Variants in KIAA0930 observed in about 807,000 individuals in gnomAD.
KIAA0930 encodes the protein KIAA0930.
In KIAA0930, 24 loss-of-function variants were observed where a neutral mutation model predicts 43.9. The observed-to-expected ratio is 0.55, with a 90% CI of 0.40 to 0.77. The LOEUF (loss-of-function observed/expected upper bound fraction) is 0.77, where lower values mean the gene tolerates loss of function less well. Ranked by LOEUF, KIAA0930 falls within the 30% of genes least tolerant of loss-of-function variation. The pLI, the probability that KIAA0930 is intolerant of heterozygous loss-of-function variation, is 0.00. For synonymous variants in KIAA0930, 259 were observed against 216.4 expected, an observed-to-expected ratio of 1.20 and a Z score of -1.73; for missense variants, 461 against 574.2, an observed-to-expected ratio of 0.80 and a Z score of 2.02.
Position 45,197,128 on chromosome 22 carries a change from C to T in KIAA0930, c.*48G>A, listed in dbSNP as rs1294546590. ...GTGGACAGGTAGGCACTTGGCAGCA[C>T]TCCGAGGGCTGGGCCCGGCCGGGGC... On this transcript the variant is annotated 3_prime_UTR_variant, in exon 10 of 10. Coordinates refer to ENST00000336156, the MANE Select transcript of KIAA0930 (RefSeq NM_001009880.2). The T allele has an allele frequency of 2.0e-6, 3 of 1,495,384 alleles. No homozygotes were observed. The Admixed American group carries it at 6.5e-5, about 32-fold the overall frequency. 92.6% of individuals were successfully genotyped at this position (1,495,384 alleles called of 1,614,324 possible).
rs367658177 is a variant in KIAA0930, at chr22:45,197,910, G to A, written c.1054C>T (p.Leu352=). ...ACCAGGGACCGTCCTGTGCCCGACA[G>A]GGACCGAGACCGCAGGTTGGTTGCA... ...HNATNLRSRS[L]SGTGRSLVGS... Residue 352 remains leucine (L), a synonymous_variant, in exon 9 of 10, where the codon CTG becomes TTG. Coordinates refer to ENST00000336156, the MANE Select transcript of KIAA0930 (RefSeq NM_001009880.2). 6.2e-7 allele frequency: 1 copy of A among 1,614,102 alleles called. No homozygotes were observed. Among genetic ancestry groups the A allele is most frequent in the African/African-American group, 1.3e-5 (1 of 74,946 alleles).
At chr22:45,228,337 C>A (rs1041411038) in intron 1 of KIAA0930, among the ~76,000 whole-genome samples, 18 of 152,066 alleles carry the variant, frequency 1.2e-4, no homozygotes, top group Admixed American at 5.2e-4. Context: ...TGTCCCAGAA[C>A]CTTGGCTGTG....
chr22:45,203,907 G>C lies in KIAA0930; in HGVS notation c.595C>G (p.Gln199Glu). 1 of 1,614,074 alleles carries C rather than the reference G, an allele frequency of 6.2e-7. No homozygotes were observed. The change falls in exon 6 of 10, where the codon CAG (glutamine) becomes GAG (glutamate). Residue 199 changes from glutamine (Q) to glutamate (E), a missense_variant. Physicochemically the swap from Gln to Glu is conservative, Grantham distance 29. Transcript: ENST00000336156. ...LVASDKTNTF[Q>E]GVIFQGSIRY... The stretch of plus-strand genomic sequence containing the variant: ...ATGGAGCCCTGAAAGATGACCCCCT[G>C]GAACGTGTTGGTTTTGTCACTAGCC...
chr22:45,219,181 T>C (rs1374200927), intron 1 of KIAA0930, among the ~76,000 whole-genome samples: 2 of 152,168 alleles, frequency 1.3e-5, no homozygotes, highest in African/African-American at 4.8e-5. Flanking sequence ...TGACTGAACC[T>C]CTCAGACCTT....
At chr22:45,214,648 C>A (rs2083720125) in intron 1 of KIAA0930, among the ~76,000 whole-genome samples, 2 of 152,180 alleles carry the variant, frequency 1.3e-5, no homozygotes, top group Non-Finnish European at 2.9e-5. Flanking sequence ...GTAGCTCATA[C>A]CTGTAATCCC....
chr22:45,201,080 A>G, intron 7 of KIAA0930: 1 of 476,912 alleles, frequency 2.1e-6, no homozygotes, highest in South Asian at 1.6e-5. Context: ...GAGCCCCGTC[A>G]GCCTCCTCGT....
intron 1 of KIAA0930, among the ~76,000 whole-genome samples, chr22:45,238,804 A>C (rs2083901242): frequency 6.6e-6 from 1 of 151,778 alleles, no homozygotes; most frequent in African/African-American, 2.4e-5. Context: ...GCAGGCTCTG[A>C]GGTCAGGCTG....
chr22:45,198,137 T>C, intron 8 of KIAA0930, 189 bp from the exon 9 acceptor site: 4 of 594,614 alleles, frequency 6.7e-6, no homozygotes, highest in Non-Finnish European at 1.2e-5. Context: ...CCTCCCTGCT[T>C]CCTCTGGCCC....
rs1370079815 is a variant in KIAA0930 at position 45,196,852 on chromosome 22, G to T, written c.*324C>A. On this transcript the variant is annotated 3_prime_UTR_variant, in exon 10 of 10. Coordinates refer to ENST00000336156, the MANE Select transcript of KIAA0930 (RefSeq NM_001009880.2). The surrounding 1 kb of genome is among the most constrained non-coding windows in gnomAD (Gnocchi z 4.1). The stretch of plus-strand genomic sequence containing the variant: ...ACCCGCCGCTCTGGCCCCGCTCTGG[G>T]CATCAGCTGCTCCTTCCGCTCTCTC... 2.9e-6 allele frequency: 1 copy of T among 342,228 alleles called. No homozygotes were observed. The highest frequency in any genetic ancestry group is 5.2e-5 in the East Asian group (1 of 19,144). 21.2% of individuals were successfully genotyped at this position (342,228 alleles called of 1,614,324 possible).
At chr22:45,199,422 G>C (rs1474247583) in intron 8 of KIAA0930, among the ~76,000 whole-genome samples, 1 of 152,194 alleles carries the variant, frequency 6.6e-6, no homozygotes, top group Non-Finnish European at 1.5e-5. Context: ...ACGTGGTTCT[G>C]GGAGGCTGCA....
chr22:45,235,979 G>A (rs553577578), intron 1 of KIAA0930, among the ~76,000 whole-genome samples: 12 of 152,326 alleles, frequency 7.9e-5, no homozygotes, highest in East Asian at 5.8e-4. Context: ...TTCCCCATTC[G>A]CAGGCCTAGC....
chr22:45,211,861 T>C (rs1438621853), intron 2 of KIAA0930, 95 bp downstream of exon 2: 6 of 1,242,236 alleles, frequency 4.8e-6, no homozygotes, highest in African/African-American at 1.5e-5. Context: ...TTGATATGCA[T>C]GAGCACTGTA....
intron 1 of KIAA0930, among the ~76,000 whole-genome samples, chr22:45,215,662 G>A (rs1003972340): frequency 1.3e-5 from 2 of 152,166 alleles, no homozygotes; most frequent in Admixed American, 1.3e-4. Flanking sequence ...ATGGGAATAC[G>A]TGTAATACGA....
intron 1 of KIAA0930, among the ~76,000 whole-genome samples, chr22:45,216,852 C>A (rs1458338778): frequency 6.6e-6 from 1 of 152,122 alleles, no homozygotes; most frequent in Non-Finnish European, 1.5e-5. Context: ...TCGGACAGCT[C>A]TGTGCTCACG....
At chr22:45,236,497 C>T (rs949196545) in intron 1 of KIAA0930, among the ~76,000 whole-genome samples, 1 of 152,148 alleles carries the variant, frequency 6.6e-6, no homozygotes, top group African/African-American at 2.4e-5. Flanking sequence ...CCATGGGCCA[C>T]GCTGGTGGCT....
At chr22:45,224,141 C>G (rs963986220) in intron 1 of KIAA0930, among the ~76,000 whole-genome samples, 1 of 152,112 alleles carries the variant, frequency 6.6e-6, no homozygotes, top group Non-Finnish European at 1.5e-5. Flanking sequence ...CTTGGAAAAA[C>G]GCTCATGGTA....
At chr22:45,199,757 T>A in intron 8 of KIAA0930, 116 bp downstream of exon 8, 1 of 1,117,750 alleles carries the variant, frequency 8.9e-7, no homozygotes, top group South Asian at 1.9e-5. Context: ...TGGCACCCAC[T>A]CTCTAAGTGC....
chr22:45,210,356 C>A lies in KIAA0930; in HGVS notation c.216+1600G>T, dbSNP rs567446637. Among the ~76,000 whole-genome samples the A allele has an allele frequency of 2.6e-5, 4 of 152,102 alleles. No individual in the cohort carries two copies. In the East Asian group the frequency reaches 5.8e-4, roughly 22 times the overall value. ...CCATGGGTGAGAGGAGTCCCTCCCC[C>A]AGAACTGTGCAGAGGTGAGAGGAGC... On this transcript the variant is annotated intron_variant, in intron 2 of 9. Coordinates refer to ENST00000336156, the MANE Select transcript of KIAA0930 (RefSeq NM_001009880.2).
At chr22:45,235,421 G>A (rs377181317) in intron 1 of KIAA0930, 2 of 152,226 alleles carry the variant, frequency 1.3e-5, no homozygotes, top group Non-Finnish European at 2.9e-5. Context: ...GGTAGAGGCC[G>A]GAACCCACAA....
Sources: allele counts gnomAD v4.1 joint callset (sites outside exome capture counted in the v4.1 genomes callset), GRCh38; gene constraint gnomAD v4.1.1; non-coding constraint Gnocchi (gnomAD v3.1); transcripts MANE v1.5; gene names NCBI Gene and HGNC (gene_info 2026-07-23, HGNC 2026-07-21).